Variants in FBXW11 observed in about 807,000 individuals in gnomAD.
FBXW11 encodes the protein F-box/WD repeat-containing protein 11.
In FBXW11, 19 loss-of-function variants were observed where a neutral mutation model predicts 77.6. The observed-to-expected ratio is 0.24, with a 90% CI of 0.17 to 0.36. The LOEUF is 0.36. FBXW11 is among the 10% of genes least tolerant of loss of function. The pLI, the probability that FBXW11 is intolerant of heterozygous loss-of-function variation, is 1.00. For missense variants in FBXW11, 334 were observed against 704.2 expected (o/e 0.47, Z 5.95); for synonymous variants, 235 against 249.4 (o/e 0.94, Z 0.54).
chr5:171,971,865 C>T (rs1764550842), intron 1 of FBXW11, among the ~76,000 whole-genome samples: 1 of 152,072 alleles, frequency 6.6e-6, no homozygotes, highest in Admixed American at 6.6e-5. Context: ...ACAACTGTAG[C>T]ACCAGCTACT....
At chr5:171,926,521 A>ATGAG (rs1262094741) in intron 2 of FBXW11, among the ~76,000 whole-genome samples, 5 of 152,182 alleles carry the variant, frequency 3.3e-5, no homozygotes, top group African/African-American at 1.2e-4. Flanking sequence ...CTGTCGTGGC[A>ATGAG]TGAGTGAGTG....
chr5:171,987,504 G>A (rs1242848363), intron 1 of FBXW11, among the ~76,000 whole-genome samples: 1 of 152,090 alleles, frequency 6.6e-6, no homozygotes, highest in Non-Finnish European at 1.5e-5. Context: ...AGGCTGGAGT[G>A]CAGTGGCACA....
At chr5:171,955,149 T>G (rs1177165805) in intron 2 of FBXW11, among the ~76,000 whole-genome samples, 2 of 152,234 alleles carry the variant, frequency 1.3e-5, no homozygotes, top group Non-Finnish European at 2.9e-5. Flanking sequence ...TAGACGATGG[T>G]AGAAACTTCC....
intron 1 of FBXW11, among the ~76,000 whole-genome samples, chr5:171,961,042 A>G (rs570834890): frequency 3.7e-4 from 56 of 152,296 alleles, no homozygotes; most frequent in African/African-American, 1.3e-3. Context: ...TTTATAAAGG[A>G]TATCTCATCT....
chr5:171,866,868 T>C (rs1478180748), intron 13 of FBXW11, among the ~76,000 whole-genome samples: 3 of 152,218 alleles, frequency 2.0e-5, no homozygotes, highest in African/African-American at 7.2e-5. Context: ...CGTGGATTTT[T>C]CAACTGACTT....
intron 2 of FBXW11, among the ~76,000 whole-genome samples, chr5:171,950,951 T>C (rs767056428): frequency 1.3e-5 from 2 of 151,944 alleles, no homozygotes; most frequent in Non-Finnish European, 2.9e-5. Context: ...AGTTGTCAGA[T>C]TGCATACCCT....
intron 9 of FBXW11, 116 bp from the exon 10 acceptor site, chr5:171,873,106 A>G (rs559496319): frequency 2.5e-5 from 21 of 844,046 alleles, no homozygotes; most frequent in African/African-American, 2.4e-4. Flanking sequence ...ATTATAAAAT[A>G]CGGTGTCCTC....
intron 6 of FBXW11, among the ~76,000 whole-genome samples, chr5:171,894,908 T>C (rs1311079514): frequency 6.6e-6 from 1 of 152,176 alleles, no homozygotes; most frequent in Non-Finnish European, 1.5e-5. Flanking sequence ...GCAGTTATGT[T>C]CTTCTTCAGT....
At chr5:171,916,490 C>A (rs188614725) in intron 2 of FBXW11, 5 of 984,956 alleles carry the variant, frequency 5.1e-6, no homozygotes, top group Admixed American at 1.2e-4. Flanking sequence ...GTCCAAGAGT[C>A]CAAAACAGGA....
chr5:171,938,002 T>C (rs2113145995), intron 2 of FBXW11, among the ~76,000 whole-genome samples: 1 of 152,218 alleles, frequency 6.6e-6, no homozygotes, highest in East Asian at 1.9e-4. Flanking sequence ...TTTCTTTAAA[T>C]TGAGGGAAGT....
chr5:172,002,696 CTTTTT>C (rs34300477), intron 1 of FBXW11, among the ~76,000 whole-genome samples: 2 of 97,054 alleles, frequency 2.1e-5, no homozygotes, highest in East Asian at 2.6e-4. Flanking sequence ...TTTTTCTTTT[CTTTTT>C]TTTTTTTTTT....
At chr5:171,926,991 T>C (rs1309680802) in intron 2 of FBXW11, among the ~76,000 whole-genome samples, 1 of 151,250 alleles carries the variant, frequency 6.6e-6, no homozygotes, top group East Asian at 2.0e-4. Context: ...TTTTGGGCCC[T>C]ACCCTCTCAC....
intron 1 of FBXW11, among the ~76,000 whole-genome samples, chr5:171,966,642 G>GT (rs796448249): frequency 2.9e-4 from 44 of 152,220 alleles, no homozygotes; most frequent in African/African-American, 1.0e-3. Context: ...TCCCAATGAG[G>GT]TTTTTCCAAG....
chr5:171,952,409 TTG>T (rs1209664572), intron 2 of FBXW11, among the ~76,000 whole-genome samples: 2 of 102,568 alleles, frequency 1.9e-5, no homozygotes, highest in Admixed American at 1.2e-4. Flanking sequence ...TGTGTGTGTG[TTG>T]TGTGTACATA....
intron 4 of FBXW11, among the ~76,000 whole-genome samples, chr5:171,905,696 CAGG>C (rs1443795677): frequency 6.6e-6 from 1 of 150,888 alleles, no homozygotes; most frequent in Non-Finnish European, 1.5e-5. Context: ...TGGCCACCCT[CAGG>C]AGCCATGCAG....
At chr5:171,903,566 C>T (rs766586748) in intron 4 of FBXW11, among the ~76,000 whole-genome samples, 2 of 152,098 alleles carry the variant, frequency 1.3e-5, no homozygotes, top group Non-Finnish European at 2.9e-5. Context: ...AGTCTCTAGC[C>T]GTGGACTAAC....
intron 6 of FBXW11, among the ~76,000 whole-genome samples, chr5:171,893,143 C>T (rs894044461): frequency 3.3e-5 from 5 of 151,972 alleles, no homozygotes; most frequent in Non-Finnish European, 7.4e-5. Flanking sequence ...TATCGATACA[C>T]GTATACTTAA....
intron 7 of FBXW11, among the ~76,000 whole-genome samples, chr5:171,884,675 G>T (rs2113814173): frequency 6.6e-6 from 1 of 152,276 alleles, no homozygotes; most frequent in South Asian, 2.1e-4. Context: ...TGGCAGTATG[G>T]TTATTTTCAC....
At chr5:171,939,726 A>G (rs1762654905) in intron 2 of FBXW11, among the ~76,000 whole-genome samples, 1 of 151,292 alleles carries the variant, frequency 6.6e-6, no homozygotes, top group South Asian at 2.1e-4. Flanking sequence ...AAAGAAAGAA[A>G]GAAAGAAAAC....
Sources: gnomAD v4.1 joint callset for allele counts (sites outside exome capture counted in the v4.1 genomes callset) on GRCh38, gnomAD v4.1.1 for gene constraint, MANE v1.5 for transcripts, NCBI Gene and HGNC (gene_info 2026-07-23, HGNC 2026-07-21) for gene names.